Variants in LIPA observed in about 807,000 individuals in gnomAD.
The protein encoded by LIPA is lysosomal acid lipase/cholesteryl ester hydrolase.
Under a neutral mutation model 40.6 loss-of-function variants are expected in LIPA, and 26 were observed. The ratio of observed to expected loss-of-function variants is 0.64; its 90% CI spans 0.47 to 0.89. The LOEUF is 0.89. Ranked by LOEUF, LIPA falls within the 40% of genes least tolerant of loss-of-function variation. The pLI, the probability that LIPA is intolerant of heterozygous loss-of-function variation, is 0.00. For missense variants in LIPA, 455 were observed against 479.6 expected (o/e 0.95, Z 0.48); for synonymous variants, 188 against 168.4 (o/e 1.12, Z -0.90).
chr10:89,410,759 G>T (rs963322924), intron 2 of LIPA, among the ~76,000 whole-genome samples: 1 of 152,214 alleles, frequency 6.6e-6, no homozygotes, highest in Non-Finnish European at 1.5e-5. Flanking sequence ...GGGAAACCAC[G>T]GAGTTATTGC....
At chr10:89,384,677 A>G in intron 2 of LIPA, 1 of 1,614,222 alleles carries the variant, frequency 6.2e-7, no homozygotes, top group African/African-American at 1.3e-5. Flanking sequence ...GAAGTAAGTG[A>G]TGCTTTGCTG....
At chr10:89,272,596 C>T (rs978659574) in intron 1 of LIPA, among the ~76,000 whole-genome samples, 6 of 152,142 alleles carry the variant, frequency 3.9e-5, no homozygotes, top group Non-Finnish European at 5.9e-5. Flanking sequence ...ATTTATACTC[C>T]TCTGGGTACA....
chr10:89,395,981 T>C (rs1844337636), intron 2 of LIPA, among the ~76,000 whole-genome samples: 1 of 152,132 alleles, frequency 6.6e-6, no homozygotes, highest in South Asian at 2.1e-4. Flanking sequence ...TATCTATCAG[T>C]TGGTGAACAT....
chr10:89,304,995 A>C (rs887947029), intron 1 of LIPA, among the ~76,000 whole-genome samples: 5 of 150,270 alleles, frequency 3.3e-5, no homozygotes, highest in Non-Finnish European at 5.9e-5. Context: ...ATAAAATTTC[A>C]AAAAAAAAAT....
At position 89,228,334 on chromosome 10, in the gene LIPA, G is replaced by A; in HGVS notation, c.294C>T (p.Asn98=). ...LLADSSNWVT[N]LANSSLGFIL... is the part of the protein sequence containing the mutation. ...TGAAGCCCAGGCTGCTGTTGGCAAG[G>A]TTTGTGACCCAGTTACTAGAATCTG... is the stretch of plus-strand genomic sequence containing the variant. Residue 98 remains asparagine, a synonymous_variant, in exon 4 of 10, where the codon AAC becomes AAT. Transcript: ENST00000336233. 1 of 1,614,194 alleles carries A rather than the reference G, an allele frequency of 6.2e-7. No homozygotes were observed. The highest frequency in any genetic ancestry group is 8.5e-7 in the Non-Finnish European group (1 of 1,180,030).
intron 1 of LIPA, chr10:89,306,319 A>T (rs1423310819): frequency 6.2e-7 from 1 of 1,613,998 alleles, no homozygotes; most frequent in Admixed American, 1.7e-5. Context: ...ACAAGGTGAA[A>T]CATGTCTGTG....
intron 2 of LIPA, among the ~76,000 whole-genome samples, chr10:89,374,937 C>G (rs1195618914): frequency 6.6e-6 from 1 of 152,186 alleles, no homozygotes; most frequent in African/African-American, 2.4e-5. Flanking sequence ...TGGCCTGAAG[C>G]TCAGAACAGG....
chr10:89,257,867 T>C (rs890799811), intron 1 of LIPA, among the ~76,000 whole-genome samples: 1 of 152,212 alleles, frequency 6.6e-6, no homozygotes, highest in Non-Finnish European at 1.5e-5. Flanking sequence ...TTCAAGTCTT[T>C]AACTAACAGT....
chr10:89,365,440 AGCTCTTTAGTTTAATTAGATCCCATTT>A (rs1844049715), intron 2 of LIPA, among the ~76,000 whole-genome samples: 1 of 152,110 alleles, frequency 6.6e-6, no homozygotes, highest in Non-Finnish European at 1.5e-5. Context: ...GCTGTGCAGA[AGCTCTTTAGTTTAATTAGATCCCATTT>A]GTCAATTTTG....
rs555449738 is a variant in LIPA at position 89,331,370 on chromosome 10, G to A, written c.-2+11241C>T. ...TGTATTTTAGTAGCAATGGGGTTTT[G>A]CCATGTTGGTCAGGTTGGTCTTGAA... On this transcript the variant is annotated intron_variant, in intron 1 of 5. Coordinates refer to the LIPA transcript ENST00000282673. Among the ~76,000 whole-genome samples, 6 of 152,200 alleles carry A rather than the reference G, an allele frequency of 3.9e-5. No individual in the cohort carries two copies. In the East Asian group the frequency reaches 1.2e-3, roughly 29 times the overall value.
intron 2 of LIPA, among the ~76,000 whole-genome samples, chr10:89,391,397 GT>G: frequency 6.7e-6 from 1 of 148,640 alleles, no homozygotes; most frequent in South Asian, 2.1e-4. Context: ...CAGTTTTTTT[GT>G]AGAGTTGGGG....
At chr10:89,311,258 C>G (rs374243224) in intron 1 of LIPA, among the ~76,000 whole-genome samples, 1 of 152,078 alleles carries the variant, frequency 6.6e-6, no homozygotes, top group African/African-American at 2.4e-5. Flanking sequence ...CGTGGTGGCT[C>G]AAGCCTAAAA....
At chr10:89,338,065 G>T (rs1046500969) in intron 1 of LIPA, 2 of 152,532 alleles carry the variant, frequency 1.3e-5, no homozygotes, top group Non-Finnish European at 2.9e-5. Flanking sequence ...GCTATGGTAG[G>T]TTAGATGTAT....
rs1004661103 is a variant in LIPA at position 89,397,549 on chromosome 10, T to C, written c.61+15242A>G. Among the ~76,000 whole-genome samples, 12 of 152,210 alleles carry C rather than the reference T, an allele frequency of 7.9e-5. 1 individual carries two copies. Among genetic ancestry groups the C allele is most frequent in the Admixed American group, 7.2e-4 (11 of 15,280 alleles). On this transcript the variant is annotated intron_variant, in intron 2 of 8. Transcript: ENST00000371837. ...TGGCTAGAGGCTTAGGGCATCTTTT[T>C]TCTTTTTATAGAGACAGGGTCTTAC...
intron 8 of LIPA, 33 bp from the exon 9 acceptor site, chr10:89,216,042 T>C: frequency 7.0e-7 from 1 of 1,437,782 alleles, no homozygotes; most frequent in Non-Finnish European, 9.8e-7. Flanking sequence ...AAGAGTTATC[T>C]GACACCAAAG....
intron 8 of LIPA, among the ~76,000 whole-genome samples, chr10:89,220,837 G>A (rs2133422039): frequency 6.6e-6 from 1 of 152,292 alleles, no homozygotes. Flanking sequence ...ACCTGGTGGA[G>A]CAAAAGAATC....
intron 1 of LIPA, among the ~76,000 whole-genome samples, chr10:89,317,813 G>A (rs1025647405): frequency 1.3e-5 from 2 of 152,220 alleles, no homozygotes; most frequent in African/African-American, 4.8e-5. Flanking sequence ...AAGGCAGCCA[G>A]AGAGAAGGGT....
chr10:89,299,939 T>C (rs889803319), intron 1 of LIPA, among the ~76,000 whole-genome samples: 1 of 152,104 alleles, frequency 6.6e-6, no homozygotes, highest in Non-Finnish European at 1.5e-5. Flanking sequence ...GGAAAATAAA[T>C]CAGTAAATCA....
Position 89,228,188 on chromosome 10 carries a change from A to G in LIPA, c.428+12T>C. On this transcript the variant is annotated intron_variant, in intron 4 of 9. Transcript: ENST00000336233. ...AGGAAATACATCCATGCCATTATCAATTCATATATACCTGAAAGCCCAGAA... is the reference window on the plus strand; with the variant it reads ...AGGAAATACATCCATGCCATTATCAGTTCATATATACCTGAAAGCCCAGAA... The G allele has an allele frequency of 6.2e-7, 1 of 1,608,536 alleles. No individual in the cohort carries two copies. Among genetic ancestry groups the G allele is most frequent in the Non-Finnish European group, 8.5e-7 (1 of 1,174,916 alleles).
Sources: allele counts gnomAD v4.1 joint callset (sites outside exome capture counted in the v4.1 genomes callset), GRCh38; gene constraint gnomAD v4.1.1; transcripts MANE v1.5; gene names NCBI Gene and HGNC (gene_info 2026-07-23, HGNC 2026-07-21).